The following COL21A1 variants were observed in gnomAD, a reference collection of about 807,000 sequenced individuals.
The protein encoded by COL21A1 is collagen alpha-1(XXI) chain.
Under a neutral mutation model 137.9 loss-of-function variants are expected in COL21A1, and 149 were observed. The ratio of observed to expected loss-of-function variants is 1.08; its 90% CI spans 0.95 to 1.24. COL21A1 has a LOEUF of 1.24. COL21A1 is among the 50% of genes most tolerant of loss of function. The probability of loss-of-function intolerance (pLI) is 0.00; values close to 1 mark genes in which losing one functional copy is unlikely to be tolerated. For synonymous variants in COL21A1, 456 were observed against 391.5 expected, an observed-to-expected ratio of 1.16 and a Z score of -1.95; for missense variants, 1,167 against 1,158.4, an observed-to-expected ratio of 1.01 and a Z score of -0.11.
At chr6:56,173,637 G>C (rs993113944) in intron 3 of COL21A1, among the ~76,000 whole-genome samples, 2 of 151,996 alleles carry the variant, frequency 1.3e-5, no homozygotes, top group African/African-American at 2.4e-5. Flanking sequence ...TGATAAAAGG[G>C]TCAACTCACC....
intron 10 of COL21A1, among the ~76,000 whole-genome samples, chr6:56,154,610 C>T (rs113961893): frequency 0.015 from 2,253 of 152,276 alleles, 51 homozygotes; most frequent in African/African-American, 0.05. Flanking sequence ...ACTCTTACCA[C>T]TCACAATCAT....
intron 1 of COL21A1, among the ~76,000 whole-genome samples, chr6:56,258,045 A>G (rs1341212330): frequency 6.6e-6 from 1 of 152,068 alleles, no homozygotes; most frequent in East Asian, 1.9e-4. Flanking sequence ...GAAGTTTTTT[A>G]CAATAAGTAC....
At chr6:56,230,016 C>G (rs1317333349) in intron 1 of COL21A1, among the ~76,000 whole-genome samples, 1 of 151,752 alleles carries the variant, frequency 6.6e-6, no homozygotes, top group Non-Finnish European at 1.5e-5. Context: ...TGGAAGGGAA[C>G]AGAAAATGTC....
chr6:56,389,542 C>A (rs747498188), intron 1 of COL21A1, among the ~76,000 whole-genome samples: 1 of 152,010 alleles, frequency 6.6e-6, no homozygotes, highest in Non-Finnish European at 1.5e-5. Flanking sequence ...AACACATAAC[C>A]CTCTAGATTT....
chr6:56,109,768 A>G (rs977571894), intron 16 of COL21A1, among the ~76,000 whole-genome samples: 13 of 152,032 alleles, frequency 8.6e-5, no homozygotes, highest in African/African-American at 2.7e-4. Context: ...GAAATTTGCA[A>G]GTTAAATGAT....
intron 1 of COL21A1, among the ~76,000 whole-genome samples, chr6:56,361,765 CGTGTGTGTGTGTGGT>C (rs1448482906): frequency 8.6e-5 from 13 of 151,186 alleles, no homozygotes; most frequent in African/African-American, 3.2e-4. Context: ...TGTGCGTGTG[CGTGTGTGTGTGTGGT>C]GTGTGTGTGT....
intron 9 of COL21A1, among the ~76,000 whole-genome samples, chr6:56,163,720 AATTT>A (rs1776363194): frequency 6.6e-6 from 1 of 151,982 alleles, no homozygotes; most frequent in South Asian, 2.1e-4. Flanking sequence ...AAAAAAAAAA[AATTT>A]AGTCATTAAT....
intron 1 of COL21A1, among the ~76,000 whole-genome samples, chr6:56,278,379 G>C (rs1763717427): frequency 1.3e-5 from 2 of 152,090 alleles, no homozygotes; most frequent in South Asian, 4.2e-4. Context: ...TGACAGTAGG[G>C]GGTTGAAGAG....
At chr6:56,164,388 G>C (rs1212449423) in intron 9 of COL21A1, 35 bp downstream of exon 9, 1 of 1,371,980 alleles carries the variant, frequency 7.3e-7, no homozygotes, top group Admixed American at 2.0e-5. Flanking sequence ...TTGTTTGTGT[G>C]TTTTAACAAA....
At chr6:56,343,458 TG>T (rs1321932244) in intron 1 of COL21A1, among the ~76,000 whole-genome samples, 6 of 152,206 alleles carry the variant, frequency 3.9e-5, no homozygotes, top group African/African-American at 1.4e-4. Context: ...AAGCAATAAC[TG>T]TCAACTTCCA....
upstream of COL21A1, among the ~76,000 whole-genome samples, chr6:56,248,508 A>G (rs1253571258): frequency 6.6e-6 from 1 of 152,202 alleles, no homozygotes; most frequent in Non-Finnish European, 1.5e-5. Flanking sequence ...GAAGGTTTTC[A>G]TATCTTCATT....
At chr6:56,363,784 CCG>C (rs869258503) in intron 1 of COL21A1, among the ~76,000 whole-genome samples, 1 of 37,754 alleles carries the variant, frequency 2.6e-5, no homozygotes, top group Non-Finnish European at 5.3e-5. Flanking sequence ...AAAATACCCC[CCG>C]ACACATTCCC....
chr6:56,090,205 C>A (rs538830625), intron 17 of COL21A1, among the ~76,000 whole-genome samples: 2 of 152,300 alleles, frequency 1.3e-5, no homozygotes, highest in South Asian at 4.1e-4. Context: ...TGCCACTGCA[C>A]TCCAGCCTGG....
At chr6:56,137,350 A>G (rs1055367010) in intron 12 of COL21A1, among the ~76,000 whole-genome samples, 2 of 152,202 alleles carry the variant, frequency 1.3e-5, no homozygotes, top group Non-Finnish European at 1.5e-5. Flanking sequence ...CACCCAATAC[A>G]TAAAGTTTTG....
chr6:56,135,306 G>T (rs547912482), intron 12 of COL21A1, among the ~76,000 whole-genome samples: 1 of 151,984 alleles, frequency 6.6e-6, no homozygotes, highest in South Asian at 2.1e-4. Context: ...GAAAATAAAA[G>T]ATATGAGAAA....
Position 56,112,738 on chromosome 6 carries a change from G to A in COL21A1, c.1759-11213C>T, listed in dbSNP as rs564030912. ...TCGCTCTTGTTAGCCAGGCTGGAGTGCAATGGCGTGATTCCGGCTCACTGC... is the reference window on the plus strand; with the variant it reads ...TCGCTCTTGTTAGCCAGGCTGGAGTACAATGGCGTGATTCCGGCTCACTGC... On this transcript the variant is annotated intron_variant, in intron 16 of 29. Coordinates refer to ENST00000244728, the MANE Select transcript of COL21A1 (RefSeq NM_030820.4). 8.7e-4 allele frequency among the ~76,000 whole-genome samples: 126 copies of A among 145,170 alleles called. 1 individual carries two copies. Among genetic ancestry groups the A allele is most frequent in the African/African-American group, 3.2e-3 (123 of 38,536 alleles).
At chr6:56,301,720 T>C (rs558677612) in intron 1 of COL21A1, among the ~76,000 whole-genome samples, 1 of 151,990 alleles carries the variant, frequency 6.6e-6, no homozygotes, top group African/African-American at 2.4e-5. Flanking sequence ...TCTTTTTTTT[T>C]CCATTATACT....
chr6:56,382,469 T>C (rs1393635299), intron 1 of COL21A1, among the ~76,000 whole-genome samples: 9 of 152,194 alleles, frequency 5.9e-5, no homozygotes, highest in Admixed American at 5.9e-4. Context: ...AACTAAATTG[T>C]GTCCCCCTTA....
chr6:56,207,530 T>C (rs1779872972), intron 1 of COL21A1, among the ~76,000 whole-genome samples: 1 of 152,112 alleles, frequency 6.6e-6, no homozygotes, highest in African/African-American at 2.4e-5. Flanking sequence ...GTTCTGAAAT[T>C]GAGGCAGAAA....
Sources: gnomAD v4.1 joint callset for allele counts (sites outside exome capture counted in the v4.1 genomes callset) on GRCh38, gnomAD v4.1.1 for gene constraint, MANE v1.5 for transcripts, NCBI Gene and HGNC (gene_info 2026-07-23, HGNC 2026-07-21) for gene names.